Variants in FAM8A1 observed in about 807,000 individuals in gnomAD.
FAM8A1 encodes the protein protein FAM8A1.
A neutral mutation model predicts 38.3 loss-of-function variants in FAM8A1; 18 were observed. That is an observed-to-expected ratio of 0.47 (90% CI 0.33 to 0.70). FAM8A1 has a LOEUF of 0.70. Among genes scored for constraint, FAM8A1 ranks in the 30% least tolerant of loss-of-function variants. FAM8A1 has a pLI of 0.03. For missense variants in FAM8A1, 559 were observed against 559.6 expected, an observed-to-expected ratio of 1.00 and a Z score of 0.01; for synonymous variants, 246 against 234.4, an observed-to-expected ratio of 1.05 and a Z score of -0.45.
At chr6:17,601,546 AAG>A (rs1243044691) in intron 1 of FAM8A1, among the ~76,000 whole-genome samples, 1 of 152,182 alleles carries the variant, frequency 6.6e-6, no homozygotes, top group Non-Finnish European at 1.5e-5. Context: ...ACGGATATAA[AAG>A]GAGATCGACA....
In FAM8A1 at chr6:17,604,608, T is replaced by C. The variant is rs192605399; in HGVS notation, c.834-298T>C. Among the ~76,000 whole-genome samples, 70 of 152,306 alleles carry C rather than the reference T, an allele frequency of 4.6e-4. 1 individual carries two copies. Among genetic ancestry groups the C allele is most frequent in the African/African-American group, 1.6e-3 (67 of 41,552 alleles). ...CCCCATCACAGCACTCATCCCACTTTATTATTGCTATTTATTTATTGTTCT... is the reference window on the plus strand; with the variant it reads ...CCCCATCACAGCACTCATCCCACTTCATTATTGCTATTTATTTATTGTTCT... On this transcript the variant is annotated intron_variant, in intron 2 of 4. Coordinates refer to ENST00000259963, the MANE Select transcript of FAM8A1 (RefSeq NM_016255.3).
chr6:17,605,051 G>C (rs1764034250), intron 3 of FAM8A1, 22 bp downstream of exon 3: 1 of 1,585,780 alleles, frequency 6.3e-7, no homozygotes, highest in Non-Finnish European at 8.6e-7. Flanking sequence ...ACTTCAGCAA[G>C]AATTAATATT....
At chr6:17,601,546 A>G (rs1369413545) in intron 1 of FAM8A1, among the ~76,000 whole-genome samples, 1 of 152,182 alleles carries the variant, frequency 6.6e-6, no homozygotes, top group African/African-American at 2.4e-5. Context: ...ACGGATATAA[A>G]AGGAGATCGA....
intron 1 of FAM8A1, among the ~76,000 whole-genome samples, chr6:17,601,522 G>A (rs1286174243): frequency 1.3e-5 from 2 of 152,226 alleles, no homozygotes; most frequent in African/African-American, 4.8e-5. Flanking sequence ...GGCTACTTAG[G>A]ACAGTGGAAC....
At chr6:17,603,757 A>C (rs6910235) in intron 2 of FAM8A1, among the ~76,000 whole-genome samples, 32,775 of 151,502 alleles carry the variant, frequency 0.22, 4,112 homozygotes, top group Non-Finnish European at 0.27. Context: ...AAAAAAAAAA[A>C]TTGTTTTTTG....
chr6:17,607,273 AC>A (rs67736025), intron 4 of FAM8A1, among the ~76,000 whole-genome samples: 41,256 of 123,562 alleles, frequency 0.33, 8,005 homozygotes, highest in Non-Finnish European at 0.39. Flanking sequence ...AAAAAAAAAA[AC>A]AAAACAAAAC....
Position 17,604,986 on chromosome 6 carries a change from T to C in FAM8A1, c.914T>C (p.Met305Thr). 5.6e-6 allele frequency: 9 copies of C among 1,611,944 alleles called. No individual in the cohort carries two copies. The highest frequency in any genetic ancestry group is 7.6e-6 in the Non-Finnish European group (9 of 1,178,886). Residue 305 changes from methionine (M) to threonine (T), a missense_variant, in exon 3 of 5, where the codon ATG becomes ACG. Coordinates refer to ENST00000259963, the MANE Select transcript of FAM8A1 (RefSeq NM_016255.3). ...DTSMEDLQKM[M>T]VVALIYRLLV... ...TCAATGGAAGACTTGCAGAAAATGA[T>C]GGTTGTGGCACTTATATACAGATTA...
At chr6:17,605,176 G>A (rs1268682124) in intron 3 of FAM8A1, 147 bp downstream of exon 3, 2 of 580,644 alleles carry the variant, frequency 3.4e-6, no homozygotes, top group Non-Finnish European at 5.6e-6. Context: ...TGCCTCCTGA[G>A]TTCAAGTGAT....
rs1388565733 is a variant in FAM8A1, at chr6:17,600,683, G to T, written c.274G>T (p.Gly92Cys). 2 of 1,601,116 alleles carry T rather than the reference G, an allele frequency of 1.2e-6. No individual in the cohort carries two copies. The highest frequency in any genetic ancestry group is 1.7e-6 in the Non-Finnish European group (2 of 1,176,372). Residue 92 changes from glycine (G) to cysteine (C), a missense_variant, in exon 1 of 5, where the codon GGC becomes TGC. By Grantham distance (159) the Gly-to-Cys change is radical (BLOSUM62 -3). This residue lies in a region of FAM8A1 where 393 missense variants were observed against 338.9 expected (regional missense o/e 1.16). Transcript: ENST00000259963. ...GSGAELQEQA[G>C]CEAPEAAAPR... Reference sequence around the variant, plus strand: ...CGGTGCAGAGCTGCAGGAGCAGGCGGGCTGCGAGGCGCCCGAAGCCGCGGC... The same window carrying T: ...CGGTGCAGAGCTGCAGGAGCAGGCGTGCTGCGAGGCGCCCGAAGCCGCGGC...
rs1763961023 is a variant in FAM8A1 at position 17,600,334 on chromosome 6, G to A, written c.-76G>A. ...CCTGCGGTTGCTGCGGTGGTGACGGGGCTGTTGGGGAGGGGCCATTGGGGG... is the reference window on the plus strand; with the variant it reads ...CCTGCGGTTGCTGCGGTGGTGACGGAGCTGTTGGGGAGGGGCCATTGGGGG... On this transcript the variant is annotated 5_prime_UTR_variant, in exon 1 of 5. Coordinates refer to ENST00000259963, the MANE Select transcript of FAM8A1 (RefSeq NM_016255.3). 7.6e-7 allele frequency: 1 copy of A among 1,312,602 alleles called. No homozygotes were observed. Among genetic ancestry groups the A allele is most frequent in the Non-Finnish European group, 9.7e-7 (1 of 1,029,818 alleles). The allele number at this position is 1,312,602 out of a possible 1,614,324, so 81.3% of individuals were successfully genotyped here.
Position 17,605,858 on chromosome 6 carries a change from A to G in FAM8A1, c.958-16A>G. On this transcript the variant is annotated splice_polypyrimidine_tract_variant and intron_variant, in intron 3 of 4. Transcript: ENST00000259963. ...TAGTTGAGCCAGTAATTTTTAAATC[A>G]TCCTTCTTTCCTTAGATAATTTGCA... The G allele has an allele frequency of 1.3e-6, 2 of 1,482,318 alleles. No individual in the cohort carries two copies. Among genetic ancestry groups the G allele is most frequent in the Non-Finnish European group, 1.8e-6 (2 of 1,105,528 alleles). 91.8% of individuals were successfully genotyped at this position (1,482,318 alleles called of 1,614,324 possible). A position where few individuals can be genotyped will look rare whatever the true frequency, so the allele number is the denominator to read the frequency against.
intron 4 of FAM8A1, among the ~76,000 whole-genome samples, chr6:17,606,325 C>T (rs745495277): frequency 9.9e-5 from 15 of 151,708 alleles, no homozygotes; most frequent in Non-Finnish European, 2.1e-4. Flanking sequence ...CTCAGCCTCC[C>T]GAGTAGGTGG....
rs1462229978 is a variant in FAM8A1, at chr6:17,611,546, A to G, written c.*3207A>G. 6.6e-6 allele frequency: 1 copy of G among 152,592 alleles called. No individual in the cohort carries two copies. Among genetic ancestry groups the G allele is most frequent in the Non-Finnish European group, 1.5e-5 (1 of 68,024 alleles). The allele number at this position is 152,592 out of a possible 1,614,324, so 9.5% of individuals were successfully genotyped here. A position where few individuals can be genotyped will look rare whatever the true frequency, so the allele number is the denominator to read the frequency against. On this transcript the variant is annotated 3_prime_UTR_variant, in exon 5 of 5. Transcript: ENST00000259963. The stretch of plus-strand genomic sequence containing the variant: ...TGACATCCCATGTTTGCCTGGATAA[A>G]GTTCCTCATTTCAAACAGTATACAT...
In FAM8A1 at chr6:17,606,197, A is replaced by ATTTTTTTTTTTTTTTTTTTTTTTTTTT. The variant is rs112417120; in HGVS notation, c.1097+203_1097+204insTTTTTTTTTTTTTTTTTTTTTTTTTTT. Among the ~76,000 whole-genome samples the ATTTTTTTTTTTTTTTTTTTTTTTTTTT allele has an allele frequency of 1.5e-5, 2 of 131,464 alleles. 1 individual carries two copies. 86.2% of individuals were successfully genotyped at this position (131,464 alleles called of 152,430 possible). On this transcript the variant is annotated intron_variant, in intron 4 of 4. Coordinates refer to ENST00000259963, the MANE Select transcript of FAM8A1 (RefSeq NM_016255.3). ...TTTTACAGTACACATTTTCAAGATGATTTTTTTTTTTTTTTTTTTGTGAGA... is the reference window on the plus strand; with the variant it reads ...TTTTACAGTACACATTTTCAAGATGATTTTTTTTTTTTTTTTTTTTTTTTTTTTTTTTTTTTTTTTTTTTTTGTGAGA...
At position 17,600,312 on chromosome 6, in the gene FAM8A1, G is replaced by A; in HGVS notation, c.-98G>A. Reference sequence around the variant, plus strand: ...TTCCGGCGGGGGATTGTTGACGCCTGCGGTTGCTGCGGTGGTGACGGGGCT... The same window carrying A: ...TTCCGGCGGGGGATTGTTGACGCCTACGGTTGCTGCGGTGGTGACGGGGCT... On this transcript the variant is annotated 5_prime_UTR_variant, in exon 1 of 5. Transcript: ENST00000259963. 3 of 1,272,776 alleles carry A rather than the reference G, an allele frequency of 2.4e-6. No homozygotes were observed. The highest frequency in any genetic ancestry group is 3.0e-6 in the Non-Finnish European group (3 of 1,003,510). 78.8% of individuals were successfully genotyped at this position (1,272,776 alleles called of 1,614,324 possible). A position where few individuals can be genotyped will look rare whatever the true frequency, so the allele number is the denominator to read the frequency against.
rs566734870 is a variant in FAM8A1, at chr6:17,609,480, A to T, written c.*1141A>T. ...AGAGAGACTAGCATTCCCAGACATCATTCTAGGGTCTTTAAGCTCATTTTG... is the reference window on the plus strand; with the variant it reads ...AGAGAGACTAGCATTCCCAGACATCTTTCTAGGGTCTTTAAGCTCATTTTG... On this transcript the variant is annotated 3_prime_UTR_variant, in exon 5 of 5. Transcript: ENST00000259963. 6.6e-6 allele frequency: 1 copy of T among 152,264 alleles called. No homozygotes were observed. The highest frequency in any genetic ancestry group is 1.5e-5 in the Non-Finnish European group (1 of 68,026). The allele number at this position is 152,264 out of a possible 1,614,324, so 9.4% of individuals were successfully genotyped here. A position where few individuals can be genotyped will look rare whatever the true frequency, so the allele number is the denominator to read the frequency against.
In FAM8A1 at chr6:17,611,398, T is replaced by C. The variant is rs1764144190; in HGVS notation, c.*3059T>C. 6.6e-6 allele frequency: 1 copy of C among 152,640 alleles called. No homozygotes were observed. The highest frequency in any genetic ancestry group is 6.5e-5 in the Admixed American group (1 of 15,278). The allele number at this position is 152,640 out of a possible 1,614,324, so 9.5% of individuals were successfully genotyped here. ...ATTAAATGTTTTCGTTATATACTTA[T>C]CCCTATTAAAACAGGCAGTTGTTTC... On this transcript the variant is annotated 3_prime_UTR_variant, in exon 5 of 5. Transcript: ENST00000259963.
At chr6:17,607,514 A>G (rs1764072324) in intron 4 of FAM8A1, among the ~76,000 whole-genome samples, 1 of 143,096 alleles carries the variant, frequency 7.0e-6, no homozygotes, top group African/African-American at 2.6e-5. Flanking sequence ...GGTAGTATCT[A>G]TATACTATCT....
chr6:17,603,110 A>T lies in FAM8A1; in HGVS notation c.833+400A>T, dbSNP rs75663948. Among the ~76,000 whole-genome samples the T allele has an allele frequency of 7.2e-3, 1,093 of 152,342 alleles. 6 individuals are homozygous for T. The highest frequency in any genetic ancestry group is 0.014 in the South Asian group (66 of 4,834). On this transcript the variant is annotated intron_variant, in intron 2 of 4. Transcript: ENST00000259963. ...GGTAGGTGAATTAATAATCAACTAG[A>T]TGGCATTTCCAAATGGGATTGCACA...
Sources: gnomAD v4.1 joint callset for allele counts (sites outside exome capture counted in the v4.1 genomes callset) on GRCh38, gnomAD v4.1.1 for gene constraint, gnomAD v4.1.1 regional missense constraint, MANE v1.5 for transcripts, NCBI Gene and HGNC (gene_info 2026-07-23, HGNC 2026-07-21) for gene names.